The following STIMATE variants were observed in gnomAD, a reference collection of about 807,000 sequenced individuals.
STIMATE encodes STIM activating enhancer.
A neutral mutation model predicts 36.7 loss-of-function variants in STIMATE; 15 were observed. The ratio of observed to expected loss-of-function variants is 0.41; its 90% CI spans 0.27 to 0.63. STIMATE has a LOEUF of 0.63. Among genes scored for constraint, STIMATE ranks in the 20% least tolerant of loss-of-function variants. The pLI, the probability that STIMATE is intolerant of heterozygous loss-of-function variation, is 0.32. For synonymous variants in STIMATE, 163 were observed against 162.3 expected (o/e 1.00, Z -0.03); for missense variants, 305 against 397.3 (o/e 0.77, Z 1.98).
At chr3:52,855,255 A>T (rs1426122450) in intron 2 of STIMATE, 141 bp downstream of exon 2, 1 of 1,115,564 alleles carries the variant, frequency 9.0e-7, no homozygotes, top group African/African-American at 1.6e-5. Context: ...AATTTAATTC[A>T]GGGATTCCAC....
intron 1 of STIMATE, among the ~76,000 whole-genome samples, chr3:52,875,971 T>G (rs1000185018): frequency 6.6e-6 from 1 of 152,200 alleles, no homozygotes; most frequent in Admixed American, 6.5e-5. Flanking sequence ...TCACCTGACA[T>G]GATCCCCAAC....
chr3:52,856,354 A>C (rs555656238), intron 1 of STIMATE, among the ~76,000 whole-genome samples: 1 of 152,314 alleles, frequency 6.6e-6, no homozygotes, highest in South Asian at 2.1e-4. Context: ...GTTCTAAGCA[A>C]AGTCAAAGAC....
Position 52,842,816 on chromosome 3 carries a change from A to T in STIMATE, c.763T>A (p.Ser255Thr). 1 of 1,614,144 alleles carries T rather than the reference A, an allele frequency of 6.2e-7. No individual in the cohort carries two copies. Among genetic ancestry groups the T allele is most frequent in the Non-Finnish European group, 8.5e-7 (1 of 1,180,016 alleles). Residue 255 changes from serine (S) to threonine (T), a missense_variant, in exon 7 of 8, where the codon TCT becomes ACT. By Grantham distance (58) the Ser-to-Thr change is moderately conservative. Around this residue, in one of 3 missense-constraint regions of STIMATE, gnomAD observed 84 missense variants for 82.4 expected, o/e 1.02. Coordinates refer to ENST00000355083, the MANE Select transcript of STIMATE (RefSeq NM_198563.5). ...GAGAGTCAGGGAGGCCCTACCTCAG[A>T]CTCAGACTCCTCGTGGGATGCGGCC... ...RRAASHEESE[S>T]EILISADDEM...
In STIMATE at chr3:52,883,724, T is replaced by C. The variant is rs986619576; in HGVS notation, c.160+13567A>G. On this transcript the variant is annotated intron_variant, in intron 1 of 7. Coordinates refer to ENST00000355083, the MANE Select transcript of STIMATE (RefSeq NM_198563.5). ...CTTTCATAGTTTAATTTTTGGTTTATAAGTTCATGAATTTTTCAGAAATTG... is the reference window on the plus strand; with the variant it reads ...CTTTCATAGTTTAATTTTTGGTTTACAAGTTCATGAATTTTTCAGAAATTG... 2.0e-5 allele frequency among the ~76,000 whole-genome samples: 3 copies of C among 152,358 alleles called. No individual in the cohort carries two copies. In the South Asian group the frequency reaches 6.2e-4, roughly 32 times the overall value.
intron 1 of STIMATE, among the ~76,000 whole-genome samples, chr3:52,870,952 C>A (rs2106702327): frequency 6.6e-6 from 1 of 151,988 alleles, no homozygotes. Flanking sequence ...CTCGACACTC[C>A]CACAACCACT....
intron 1 of STIMATE, 74 bp downstream of exon 1, chr3:52,897,217 G>A: frequency 1.3e-6 from 2 of 1,506,820 alleles, no homozygotes; most frequent in Non-Finnish European, 8.8e-7. Flanking sequence ...TCTCCGCGCA[G>A]GAGGGGCCCC....
At position 52,852,635 on chromosome 3, in the gene STIMATE, T is replaced by C. The variant is rs1201246893; in HGVS notation, c.273A>G (p.Leu91=). 6.2e-7 allele frequency: 1 copy of C among 1,614,068 alleles called. No individual in the cohort carries two copies. Among genetic ancestry groups the C allele is most frequent in the Non-Finnish European group, 8.5e-7 (1 of 1,180,030 alleles). The part of the protein sequence containing the change: ...MLFIHFANVY[L]ADLTEEDPCS... Reference sequence around the variant, plus strand: ...AAGGGTCCTCTTCAGTGAGATCTGCTAGGTATACATTTGCAAAGTGGATGA... The same window carrying C: ...AAGGGTCCTCTTCAGTGAGATCTGCCAGGTATACATTTGCAAAGTGGATGA... The change falls in exon 3 of 8, where the codon CTA becomes CTG. Residue 91 remains leucine (L), a synonymous_variant. Transcript: ENST00000355083.
At chr3:52,897,167 G>C (rs1312248825) in intron 1 of STIMATE, 124 bp downstream of exon 1, 1 of 1,306,968 alleles carries the variant, frequency 7.7e-7, no homozygotes, top group African/African-American at 1.5e-5. Context: ...CCCAGCCTGG[G>C]TTTGCGGGGG....
At chr3:52,861,629 G>C (rs1191896954) in intron 1 of STIMATE, among the ~76,000 whole-genome samples, 1 of 152,182 alleles carries the variant, frequency 6.6e-6, no homozygotes, top group Non-Finnish European at 1.5e-5. Flanking sequence ...TGTCAGTGAT[G>C]AACATGTGCT....
At chr3:52,863,871 T>A (rs1308971755) in intron 1 of STIMATE, among the ~76,000 whole-genome samples, 3 of 152,242 alleles carry the variant, frequency 2.0e-5, no homozygotes, top group African/African-American at 4.8e-5. Flanking sequence ...TCTCCTTTGA[T>A]TCTAGGTCTC....
intron 1 of STIMATE, among the ~76,000 whole-genome samples, chr3:52,887,674 A>G (rs569461003): frequency 6.6e-6 from 1 of 152,168 alleles, no homozygotes; most frequent in African/African-American, 2.4e-5. Flanking sequence ...TATGCCTCAT[A>G]TCACCCCACA....
chr3:52,849,934 C>A (rs776048470), intron 3 of STIMATE, 21 bp from the exon 4 acceptor site: 2 of 1,608,990 alleles, frequency 1.2e-6, no homozygotes, highest in Non-Finnish European at 1.7e-6. Context: ...AGGGCACATG[C>A]ATGGTCACGG....
intron 1 of STIMATE, among the ~76,000 whole-genome samples, chr3:52,857,902 G>A (rs1337109968): frequency 6.6e-6 from 1 of 152,104 alleles, no homozygotes; most frequent in Admixed American, 6.5e-5. Flanking sequence ...CTTTGAAGGG[G>A]TAATTAAGGT....
intron 4 of STIMATE, 127 bp downstream of exon 4, chr3:52,849,663 CCA>C: frequency 6.9e-7 from 1 of 1,452,618 alleles, no homozygotes; most frequent in Non-Finnish European, 9.1e-7. Context: ...GCCCCCTCTA[CCA>C]CACAGAGAAG....
rs193077386 is a variant in STIMATE, at chr3:52,846,241, G to T, written c.428-1300C>A. ...GTCTTCCTTTCTACTTTCACTTAAG[G>T]GATAGGAGACATTTGAGCCAAAAAA... is the stretch of plus-strand genomic sequence containing the variant. On this transcript the variant is annotated intron_variant, in intron 4 of 7. Transcript: ENST00000355083. Among the ~76,000 whole-genome samples, 1,125 of 152,302 alleles carry T rather than the reference G, an allele frequency of 7.4e-3. 120 individuals are homozygous for T. The South Asian group carries it at 0.21, about 28-fold the overall frequency.
rs146785819 is a variant in STIMATE at position 52,858,885 on chromosome 3, G to A, written c.161-3441C>T. Among the ~76,000 whole-genome samples, 816 of 152,230 alleles carry A rather than the reference G, an allele frequency of 5.4e-3. 4 individuals are homozygous for A. Among genetic ancestry groups the A allele is most frequent in the Non-Finnish European group, 7.6e-3 (517 of 68,010 alleles). On this transcript the variant is annotated intron_variant, in intron 1 of 7. Coordinates refer to ENST00000355083, the MANE Select transcript of STIMATE (RefSeq NM_198563.5). ...CTAAAAACGACAAGGTAGGCCAGGC[G>A]TGGTGGCTCACACCTGTAATCCCAG...
chr3:52,861,511 C>T (rs1298247553), intron 1 of STIMATE, among the ~76,000 whole-genome samples: 1 of 152,208 alleles, frequency 6.6e-6, no homozygotes, highest in South Asian at 2.1e-4. Flanking sequence ...GTCTCTGCTA[C>T]TATCTAGCTA....
At chr3:52,858,196 T>A (rs1423789942) in intron 1 of STIMATE, among the ~76,000 whole-genome samples, 2 of 152,212 alleles carry the variant, frequency 1.3e-5, no homozygotes, top group African/African-American at 4.8e-5. Flanking sequence ...CGAAAACATG[T>A]AGCATGACAA....
intron 1 of STIMATE, among the ~76,000 whole-genome samples, chr3:52,892,723 G>A (rs1249142068): frequency 1.3e-5 from 2 of 152,178 alleles, no homozygotes; most frequent in East Asian, 3.8e-4. Context: ...AATTGCCCAG[G>A]GGAAGATGTA....
Sources: gnomAD v4.1 joint callset for allele counts (sites outside exome capture counted in the v4.1 genomes callset) on GRCh38, gnomAD v4.1.1 for gene constraint, gnomAD v4.1.1 regional missense constraint, MANE v1.5 for transcripts, NCBI Gene and HGNC (gene_info 2026-07-23, HGNC 2026-07-21) for gene names.